The following KCNH8 variants were observed in gnomAD, a reference collection of about 807,000 sequenced individuals.
KCNH8 encodes voltage-gated delayed rectifier potassium channel KCNH8.
Under a neutral mutation model 103.6 loss-of-function variants are expected in KCNH8, and 70 were observed. The observed-to-expected ratio is 0.68, with a 90% confidence interval of 0.56 to 0.82. KCNH8 has a LOEUF of 0.82. Ranked by LOEUF, KCNH8 falls within the 40% of genes least tolerant of loss-of-function variation. The pLI, the probability that KCNH8 is intolerant of heterozygous loss-of-function variation, is 0.00. For synonymous variants in KCNH8, 498 were observed against 489.4 expected (o/e 1.02, Z -0.23); for missense variants, 1,217 against 1,329.9 (o/e 0.92, Z 1.32).
At chr3:19,479,762 C>T (rs188041436) in intron 11 of KCNH8, among the ~76,000 whole-genome samples, 4 of 152,126 alleles carry the variant, frequency 2.6e-5, no homozygotes, top group Non-Finnish European at 4.4e-5. Flanking sequence ...CTATGAGAGT[C>T]GTGGGTTTAT....
At chr3:19,397,196 A>G (rs2066532219) in intron 7 of KCNH8, among the ~76,000 whole-genome samples, 1 of 151,850 alleles carries the variant, frequency 6.6e-6, no homozygotes. Flanking sequence ...TGGTCCTTGT[A>G]TTATGGTTCA....
chr3:19,466,935 A>G (rs1456597684), intron 11 of KCNH8, among the ~76,000 whole-genome samples: 1 of 152,154 alleles, frequency 6.6e-6, no homozygotes, highest in Non-Finnish European at 1.5e-5. Context: ...TACTGGGATT[A>G]CAGGCGTGAG....
At chr3:19,408,598 A>G (rs2066729794) in intron 7 of KCNH8, among the ~76,000 whole-genome samples, 1 of 152,164 alleles carries the variant, frequency 6.6e-6, no homozygotes, top group Non-Finnish European at 1.5e-5. Context: ...GAAAGGGTGG[A>G]AAATCAACAC....
intron 3 of KCNH8, among the ~76,000 whole-genome samples, chr3:19,298,319 G>C (rs1035838560): frequency 1.1e-4 from 16 of 152,192 alleles, no homozygotes; most frequent in Admixed American, 1.0e-3. Flanking sequence ...GCAGATATTT[G>C]CCATACCTGC....
intron 14 of KCNH8, among the ~76,000 whole-genome samples, chr3:19,517,330 C>T (rs892995562): frequency 3.3e-5 from 5 of 152,014 alleles, no homozygotes; most frequent in Non-Finnish European, 7.4e-5. Flanking sequence ...TCTTCCCCCA[C>T]CAACAAGTTT....
chr3:19,324,943 T>C (rs994603859), intron 3 of KCNH8, among the ~76,000 whole-genome samples: 2 of 152,030 alleles, frequency 1.3e-5, no homozygotes, highest in Non-Finnish European at 2.9e-5. Context: ...AACTGTACTA[T>C]GGGGGTACAG....
At chr3:19,518,134 C>A in intron 15 of KCNH8, 60 bp downstream of exon 15, 1 of 1,327,738 alleles carries the variant, frequency 7.5e-7, no homozygotes, top group Non-Finnish European at 1.1e-6. Flanking sequence ...ATCCTAGTTA[C>A]TCGCAGAAGC....
intron 1 of KCNH8, among the ~76,000 whole-genome samples, chr3:19,153,545 GCA>G (rs1456674529): frequency 6.6e-6 from 1 of 151,898 alleles, no homozygotes; most frequent in Non-Finnish European, 1.5e-5. Context: ...TCTGGAAGAG[GCA>G]CAGTCTTTCT....
At chr3:19,189,824 C>A (rs1320462068) in intron 1 of KCNH8, among the ~76,000 whole-genome samples, 1 of 151,948 alleles carries the variant, frequency 6.6e-6, no homozygotes. Context: ...AAAACAATTC[C>A]ATCACATATC....
chr3:19,500,448 T>C (rs957148021), intron 11 of KCNH8, among the ~76,000 whole-genome samples: 1 of 151,976 alleles, frequency 6.6e-6, no homozygotes, highest in African/African-American at 2.4e-5. Context: ...AATAGACATC[T>C]ACAGAACTCT....
chr3:19,420,037 C>T (rs2066927912), intron 7 of KCNH8, among the ~76,000 whole-genome samples: 1 of 152,048 alleles, frequency 6.6e-6, no homozygotes, highest in African/African-American at 2.4e-5. Flanking sequence ...CCTGTACTTA[C>T]TATCATTGAA....
intron 7 of KCNH8, among the ~76,000 whole-genome samples, chr3:19,426,455 C>T (rs116315450): frequency 0.011 from 1,674 of 150,930 alleles, 32 homozygotes; most frequent in African/African-American, 0.038. Context: ...TTTTGATATC[C>T]CCAAACCACT....
chr3:19,445,089 A>C (rs1269655008), intron 8 of KCNH8, among the ~76,000 whole-genome samples: 1 of 152,016 alleles, frequency 6.6e-6, no homozygotes, highest in African/African-American at 2.4e-5. Context: ...TAATAGGAGA[A>C]TAAATAAGTA....
At chr3:19,248,204 T>C (rs2064230729) in intron 1 of KCNH8, among the ~76,000 whole-genome samples, 1 of 152,150 alleles carries the variant, frequency 6.6e-6, no homozygotes, top group South Asian at 2.1e-4. Flanking sequence ...AATACAAATT[T>C]GTTGGCCAGT....
chr3:19,188,474 A>G (rs1350041114), intron 1 of KCNH8, among the ~76,000 whole-genome samples: 1 of 152,052 alleles, frequency 6.6e-6, no homozygotes, highest in Non-Finnish European at 1.5e-5. Context: ...ATTAACAAAA[A>G]CATGTGGTGG....
chr3:19,493,179 TGGC>T (rs2068364261), intron 11 of KCNH8, among the ~76,000 whole-genome samples: 1 of 152,172 alleles, frequency 6.6e-6, no homozygotes, highest in South Asian at 2.1e-4. Context: ...AGAGACAGTT[TGGC>T]CTCTTGTCTT....
intron 6 of KCNH8, among the ~76,000 whole-genome samples, chr3:19,393,000 C>T (rs970338356): frequency 1.3e-4 from 19 of 151,938 alleles, no homozygotes; most frequent in African/African-American, 4.6e-4. Context: ...CCTAAGAAGA[C>T]CTCACAACAT....
chr3:19,408,554 T>G (rs950162795), intron 7 of KCNH8, among the ~76,000 whole-genome samples: 6 of 151,936 alleles, frequency 3.9e-5, no homozygotes, highest in African/African-American at 1.5e-4. Context: ...GAATCCAAAG[T>G]ATGGATTGCA....
chr3:19,420,204 T>G (rs2066930155), intron 7 of KCNH8, among the ~76,000 whole-genome samples: 1 of 152,186 alleles, frequency 6.6e-6, no homozygotes, highest in Non-Finnish European at 1.5e-5. Flanking sequence ...ACTGCTGCTG[T>G]GGTTGTTTTA....
Sources: allele counts gnomAD v4.1 joint callset (sites outside exome capture counted in the v4.1 genomes callset), GRCh38; gene constraint gnomAD v4.1.1; transcripts MANE v1.5; gene names NCBI Gene and HGNC (gene_info 2026-07-23, HGNC 2026-07-21).